VCAN: variants seen among roughly 807,000 people sequenced by gnomAD.
The protein encoded by VCAN is versican.
A neutral mutation model predicts 245.5 loss-of-function variants in VCAN; 44 were observed. That is an observed-to-expected ratio of 0.18 (90% confidence interval 0.14 to 0.23). VCAN has a LOEUF of 0.23. Among genes scored for constraint, VCAN ranks in the 10% least tolerant of loss-of-function variants. The pLI, the probability that VCAN is intolerant of heterozygous loss-of-function variation, is 1.00. For synonymous variants in VCAN, 1,413 were observed against 1,437.0 expected, an observed-to-expected ratio of 0.98 and a Z score of 0.38; for missense variants, 3,793 against 4,057.9, an observed-to-expected ratio of 0.93 and a Z score of 1.77.
At chr5:83,531,580 A>G (rs1009823432) in intron 7 of VCAN, among the ~76,000 whole-genome samples, 2 of 152,190 alleles carry the variant, frequency 1.3e-5, no homozygotes, top group African/African-American at 2.4e-5. Context: ...AATCCATTTT[A>G]AAAAAGAAAT....
chr5:83,580,518 T>C lies in VCAN; in HGVS notation c.*84T>C, dbSNP rs1580087094. On this transcript the variant is annotated 3_prime_UTR_variant, in exon 15 of 15. Transcript: ENST00000265077. ...CCTTTCCTATCACCTCGAGAAGTAA[T>C]TATCAGTTGGTTTGGATTTTTGGAC... 6.3e-7 allele frequency: 1 copy of C among 1,581,810 alleles called. No homozygotes were observed. Among genetic ancestry groups the C allele is most frequent in the South Asian group, 1.1e-5 (1 of 87,194 alleles).
chr5:83,481,253 T>A (rs1744602896), intron 1 of VCAN, among the ~76,000 whole-genome samples: 1 of 150,038 alleles, frequency 6.7e-6, no homozygotes, highest in South Asian at 2.1e-4. Context: ...TCTTTTTTTT[T>A]TTTTTTTTTG....
At chr5:83,475,166 CTG>C (rs1001568330) in intron 1 of VCAN, among the ~76,000 whole-genome samples, 9 of 152,112 alleles carry the variant, frequency 5.9e-5, no homozygotes, top group African/African-American at 2.2e-4. Context: ...GCGAGTGTAA[CTG>C]AGGTTCCTGT....
chr5:83,479,578 T>G (rs1744542526), intron 1 of VCAN, among the ~76,000 whole-genome samples: 2 of 152,164 alleles, frequency 1.3e-5, no homozygotes, highest in African/African-American at 4.8e-5. Flanking sequence ...CAGACAGAGT[T>G]GTTATCACTA....
rs144610900 is a variant in VCAN at position 83,537,549 on chromosome 5, A to G, written c.4546A>G (p.Lys1516Glu). The change falls in exon 8 of 15, where the codon AAA (lysine) becomes GAA (glutamate). Residue 1516 changes from lysine to glutamate, a missense_variant. Lys to Glu is a moderately conservative substitution (Grantham distance 56, BLOSUM62 1). This residue lies in a region of VCAN where 3,182 missense variants were observed against 3,250.3 expected (regional missense o/e 0.98). Transcript: ENST00000265077. ...TGAGGAATTTGAAAGTGGAACAGCCAAAAAAGGGGCAGAATCAGTCACAGA... is the reference window on the plus strand; with the variant it reads ...TGAGGAATTTGAAAGTGGAACAGCCGAAAAAGGGGCAGAATCAGTCACAGA... The part of the protein sequence containing the change: ...FHEEFESGTA[K>E]KGAESVTERD... 2.3e-4 allele frequency: 368 copies of G among 1,613,806 alleles called. 1 individual carries two copies. The East Asian group carries it at 6.5e-3, about 28-fold the overall frequency.
chr5:83,580,125 T>C lies in VCAN; in HGVS notation c.10026T>C (p.Asn3342=), dbSNP rs1345081443. ...RHLPTIRCLG[N]GRWAIPKITC... ...TTCCAACTATCCGGTGCTTAGGAAA[T>C]GGAAGATGGGCTATACCTAAAATTA... Residue 3342 remains asparagine, a synonymous_variant, in exon 14 of 15, where the codon AAT becomes AAC. Coordinates refer to ENST00000265077, the MANE Select transcript of VCAN (RefSeq NM_004385.5). 4 of 1,614,036 alleles carry C rather than the reference T, an allele frequency of 2.5e-6. No individual in the cohort carries two copies. Among genetic ancestry groups the C allele is most frequent in the Non-Finnish European group, 3.4e-6 (4 of 1,179,998 alleles).
At chr5:83,573,395 C>CAATAAA (rs1168916693) in intron 13 of VCAN, among the ~76,000 whole-genome samples, 3 of 152,002 alleles carry the variant, frequency 2.0e-5, no homozygotes, top group African/African-American at 7.2e-5. Flanking sequence ...TTGGTTGGGG[C>CAATAAA]TGCAATCTCC....
rs763272738 is a variant in VCAN, at chr5:83,540,042, G to A, written c.7039G>A (p.Ala2347Thr). ...SDTGAEGPTV[A>T]PLPFSTDIGH... Reference sequence around the variant, plus strand: ...CACTGGAGCAGAAGGACCCACGGTGGCACCTCTCCCTTTCTCCACGGACAT... The same window carrying A: ...CACTGGAGCAGAAGGACCCACGGTGACACCTCTCCCTTTCTCCACGGACAT... The change falls in exon 8 of 15, where the codon GCA (alanine) becomes ACA (threonine). Residue 2347 changes from alanine (A) to threonine (T), a missense_variant. This residue lies in a region of VCAN where 3,182 missense variants were observed against 3,250.3 expected (regional missense o/e 0.98). Coordinates refer to ENST00000265077, the MANE Select transcript of VCAN (RefSeq NM_004385.5). 1.9e-6 allele frequency: 3 copies of A among 1,614,014 alleles called. No individual in the cohort carries two copies. In the South Asian group the frequency reaches 3.3e-5, roughly 18 times the overall value.
At chr5:83,508,743 T>A (rs567962106) in intron 5 of VCAN, among the ~76,000 whole-genome samples, 24 of 152,382 alleles carry the variant, frequency 1.6e-4, no homozygotes, top group African/African-American at 5.3e-4. Context: ...CAATTGATTC[T>A]GGTTAAATCT....
intron 6 of VCAN, among the ~76,000 whole-genome samples, chr5:83,513,362 G>A (rs778217950): frequency 1.1e-4 from 17 of 152,132 alleles, no homozygotes; most frequent in African/African-American, 3.6e-4. Flanking sequence ...TCTCTAAAAC[G>A]AGTACAAAAT....
chr5:83,477,820 T>A (rs1744448347), intron 1 of VCAN, among the ~76,000 whole-genome samples: 1 of 151,776 alleles, frequency 6.6e-6, no homozygotes, highest in South Asian at 2.1e-4. Context: ...GAAAGAGACA[T>A]AGAGTTTTAA....
intron 3 of VCAN, 120 bp from the exon 4 acceptor site, chr5:83,493,426 A>G: frequency 7.7e-7 from 1 of 1,294,836 alleles, no homozygotes. Flanking sequence ...AAAGTAAATA[A>G]TTATTATGAT....
chr5:83,578,510 A>G (rs1050738992), intron 13 of VCAN, among the ~76,000 whole-genome samples: 1 of 152,100 alleles, frequency 6.6e-6, no homozygotes, highest in African/African-American at 2.4e-5. Flanking sequence ...GCAGGTATCC[A>G]GATTGAGGTC....
chr5:83,521,842 A>G lies in VCAN; in HGVS notation c.3536A>G (p.Asp1179Gly). 6.2e-7 allele frequency: 1 copy of G among 1,614,184 alleles called. No individual in the cohort carries two copies. The highest frequency in any genetic ancestry group is 8.5e-7 in the Non-Finnish European group (1 of 1,180,024). The change falls in exon 7 of 15, where the codon GAT becomes GGT. Residue 1179 changes from aspartate to glycine, a missense_variant. This residue lies in a region of VCAN where 3,182 missense variants were observed against 3,250.3 expected (regional missense o/e 0.98). Coordinates refer to ENST00000265077, the MANE Select transcript of VCAN (RefSeq NM_004385.5). ...GAGAAAACATCCCTAGAGGATATTG[A>G]TTTAGGCTCAGGATTATTTGAAAAG... ...TTEKTSLEDI[D>G]LGSGLFEKPK... is the part of the protein sequence containing the mutation.
chr5:83,473,294 T>C (rs1409909491), intron 1 of VCAN, among the ~76,000 whole-genome samples: 2 of 152,214 alleles, frequency 1.3e-5, no homozygotes, highest in East Asian at 3.9e-4. Context: ...AGAAAAATAG[T>C]GTCATAGCCT....
chr5:83,560,933 A>G (rs1164000337), intron 12 of VCAN, among the ~76,000 whole-genome samples: 3 of 152,150 alleles, frequency 2.0e-5, no homozygotes, highest in South Asian at 4.1e-4. Context: ...AAAGGGAACC[A>G]TCACTTTAGA....
In VCAN at chr5:83,493,835, T is replaced by C. The variant is rs988360770; in HGVS notation, c.652T>C (p.Tyr218His). ...YPIRAPRVGC[Y>H]GDKMGKAGVR... is the part of the protein sequence containing the mutation. The stretch of plus-strand genomic sequence containing the variant: ...CATCCGGGCTCCCAGAGTAGGCTGT[T>C]ATGGAGATAAGATGGGAAAGGCAGG... Residue 218 changes from tyrosine (Y) to histidine (H), a missense_variant, in exon 5 of 15, where the codon TAT (tyrosine) becomes CAT (histidine). Tyr to His is a moderately conservative substitution (Grantham distance 83, BLOSUM62 2). This residue lies in a region of VCAN where 190 missense variants were observed against 288.6 expected (regional missense o/e 0.66). Coordinates refer to ENST00000265077, the MANE Select transcript of VCAN (RefSeq NM_004385.5). 1 of 1,614,116 alleles carries C rather than the reference T, an allele frequency of 6.2e-7. No individual in the cohort carries two copies. The highest frequency in any genetic ancestry group is 8.5e-7 in the Non-Finnish European group (1 of 1,179,988).
chr5:83,544,983 G>A (rs1268649559), intron 8 of VCAN: 3 of 166,244 alleles, frequency 1.8e-5, no homozygotes, highest in African/African-American at 7.2e-5. Flanking sequence ...AGTACATTTG[G>A]AACGTGTTTT....
intron 6 of VCAN, among the ~76,000 whole-genome samples, chr5:83,518,327 T>C (rs1745936791): frequency 6.6e-6 from 1 of 152,228 alleles, no homozygotes; most frequent in Non-Finnish European, 1.5e-5. Flanking sequence ...GTTGCTTTTA[T>C]ACACAATTTA....
Sources: gnomAD v4.1 joint callset for allele counts (sites outside exome capture counted in the v4.1 genomes callset) on GRCh38, gnomAD v4.1.1 for gene constraint, gnomAD v4.1.1 regional missense constraint, MANE v1.5 for transcripts, NCBI Gene and HGNC (gene_info 2026-07-23, HGNC 2026-07-21) for gene names.